TBC1D5: variants seen among roughly 807,000 people sequenced by gnomAD.
The protein encoded by TBC1D5 is TBC1 domain family, member 5.
Under a neutral mutation model 100.3 loss-of-function variants are expected in TBC1D5, and 75 were observed. That is an observed-to-expected ratio of 0.75 (90% CI 0.62 to 0.91). TBC1D5 has a LOEUF of 0.91. TBC1D5 is among the 40% of genes least tolerant of loss of function. The probability of loss-of-function intolerance (pLI) is 0.00; values close to 1 mark genes in which losing one functional copy is unlikely to be tolerated. For synonymous variants in TBC1D5, 323 were observed against 325.6 expected (o/e 0.99, Z 0.09); for missense variants, 910 against 942.4 (o/e 0.97, Z 0.45).
intron 13 of TBC1D5, among the ~76,000 whole-genome samples, chr3:17,371,841 G>A (rs2092473770): frequency 6.6e-6 from 1 of 152,016 alleles, no homozygotes; most frequent in Non-Finnish European, 1.5e-5. Flanking sequence ...AATTCAAGGG[G>A]AGCCTGGCCA....
intron 1 of TBC1D5, among the ~76,000 whole-genome samples, chr3:17,652,452 T>A (rs1351096811): frequency 6.6e-6 from 1 of 152,186 alleles, no homozygotes; most frequent in East Asian, 1.9e-4. Flanking sequence ...TTATTATACA[T>A]GTTTCCTTAA....
intron 1 of TBC1D5, among the ~76,000 whole-genome samples, chr3:17,704,799 A>G (rs867700706): frequency 7.5e-4 from 37 of 49,028 alleles, no homozygotes; most frequent in Non-Finnish European, 9.8e-4. Context: ...CTCACCTCCC[A>G]GACGGGGCGG....
intron 2 of TBC1D5, among the ~76,000 whole-genome samples, chr3:17,608,500 G>T (rs1022551817): frequency 2.6e-5 from 4 of 152,068 alleles, no homozygotes; most frequent in African/African-American, 9.7e-5. Flanking sequence ...TAAAAATTAG[G>T]TTCCTGATTT....
intron 15 of TBC1D5, among the ~76,000 whole-genome samples, chr3:17,289,324 G>A (rs1009249481): frequency 3.9e-5 from 6 of 152,080 alleles, no homozygotes; most frequent in Admixed American, 2.6e-4. Flanking sequence ...TGCCTCCTGC[G>A]GCAGGCCCAG....
At chr3:17,676,765 C>A (rs538617800) in intron 1 of TBC1D5, among the ~76,000 whole-genome samples, 272 of 152,294 alleles carry the variant, frequency 1.8e-3, no homozygotes, top group African/African-American at 6.4e-3. Flanking sequence ...TACAAGGCTA[C>A]AATAACCAAA....
chr3:17,342,884 A>G (rs1338000414), intron 13 of TBC1D5, among the ~76,000 whole-genome samples: 1 of 152,208 alleles, frequency 6.6e-6, no homozygotes, highest in Non-Finnish European at 1.5e-5. Context: ...TTATATGTAT[A>G]TACTATTACC....
At chr3:17,542,409 G>A (rs946634143) in intron 2 of TBC1D5, among the ~76,000 whole-genome samples, 1 of 152,120 alleles carries the variant, frequency 6.6e-6, no homozygotes, top group Non-Finnish European at 1.5e-5. Flanking sequence ...ATAGAGCCAG[G>A]GTCTGGCTAT....
chr3:17,481,664 T>G (rs757493672), intron 3 of TBC1D5, among the ~76,000 whole-genome samples: 4 of 152,274 alleles, frequency 2.6e-5, no homozygotes, highest in East Asian at 1.9e-4. Context: ...AGAATAACTA[T>G]GTAGAATAAA....
chr3:17,329,016 A>C (rs531653206), intron 13 of TBC1D5, among the ~76,000 whole-genome samples: 21 of 152,352 alleles, frequency 1.4e-4, no homozygotes, highest in African/African-American at 4.6e-4. Flanking sequence ...AAGGTGCTAC[A>C]GAGATACTTC....
chr3:17,264,838 T>G (rs1322353186), intron 15 of TBC1D5, among the ~76,000 whole-genome samples: 1 of 152,200 alleles, frequency 6.6e-6, no homozygotes, highest in Non-Finnish European at 1.5e-5. Flanking sequence ...AAGCTATGGT[T>G]ACGTTTTGAT....
At chr3:17,704,983 C>T (rs2073841169) in intron 1 of TBC1D5, among the ~76,000 whole-genome samples, 5 of 124,538 alleles carry the variant, frequency 4.0e-5, no homozygotes, top group African/African-American at 6.1e-5. Context: ...CCAGACGGGG[C>T]GGCTGGCCGG....
chr3:17,613,719 T>G (rs181770043), intron 2 of TBC1D5, among the ~76,000 whole-genome samples: 12 of 152,348 alleles, frequency 7.9e-5, no homozygotes, highest in Admixed American at 7.2e-4. Context: ...CTTTGCCCAC[T>G]TTTTGATTTG....
intron 15 of TBC1D5, among the ~76,000 whole-genome samples, chr3:17,285,846 C>T (rs2081132525): frequency 6.6e-6 from 1 of 152,022 alleles, no homozygotes; most frequent in South Asian, 2.1e-4. Context: ...TTAATATAAC[C>T]TCAAGCAAGA....
rs904919197 is a variant in TBC1D5, at chr3:17,529,257, C to G, written c.-35-20652G>C. Among the ~76,000 whole-genome samples the G allele has an allele frequency of 6.6e-5, 10 of 152,348 alleles. No individual in the cohort carries two copies. The South Asian group carries it at 2.1e-3, about 32-fold the overall frequency. On this transcript the variant is annotated intron_variant, in intron 2 of 21. Coordinates refer to ENST00000253692, the Ensembl canonical transcript of TBC1D5. ...GCTCTCTGGGCTCTAACCACACTAT[C>G]TGTAAACTCTGCAAAACAGAAGTTC...
At chr3:17,567,281 G>T in intron 2 of TBC1D5, among the ~76,000 whole-genome samples, 1 of 151,588 alleles carries the variant, frequency 6.6e-6, no homozygotes, top group Non-Finnish European at 1.5e-5. Flanking sequence ...TCCTTATTTG[G>T]GAGAATAACC....
intron 2 of TBC1D5, among the ~76,000 whole-genome samples, chr3:17,576,891 A>T (rs765248524): frequency 6.6e-5 from 10 of 152,068 alleles, no homozygotes; most frequent in Non-Finnish European, 1.5e-4. Context: ...TTGAGAAATA[A>T]GCTGTGATAT....
At chr3:17,242,697 T>C (rs1157050617) in intron 16 of TBC1D5, among the ~76,000 whole-genome samples, 6 of 152,124 alleles carry the variant, frequency 3.9e-5, no homozygotes, top group African/African-American at 4.8e-5. Context: ...TGGCTGGGTT[T>C]GTTTGAGTTT....
chr3:17,563,986 G>A (rs1015407917), intron 2 of TBC1D5, among the ~76,000 whole-genome samples: 2 of 152,132 alleles, frequency 1.3e-5, no homozygotes, highest in African/African-American at 2.4e-5. Flanking sequence ...GTTTCACCGT[G>A]TTAGCCAGGA....
rs148637504 is a variant in TBC1D5, at chr3:17,608,894, A to G, written c.-36+14955T>C. On this transcript the variant is annotated intron_variant, in intron 2 of 21. Transcript: ENST00000253692. ...AAACCAGCCCAATTTACTTAAGAGT[A>G]TCACTTTGTAGCTGCCAAAAGTGAG... Among the ~76,000 whole-genome samples the G allele has an allele frequency of 6.6e-4, 100 of 152,348 alleles. No homozygotes were observed. The Middle Eastern group carries it at 0.01, about 16-fold the overall frequency.
Sources: allele counts gnomAD v4.1 joint callset (sites outside exome capture counted in the v4.1 genomes callset), GRCh38; gene constraint gnomAD v4.1.1; transcripts MANE v1.5; gene names NCBI Gene and HGNC (gene_info 2026-07-23, HGNC 2026-07-21).